Variants in PRIM2 observed in about 807,000 individuals in gnomAD.
The protein encoded by PRIM2 is DNA primase large subunit.
In PRIM2, 39 loss-of-function variants were observed where a neutral mutation model predicts 67.3. That is an observed-to-expected ratio of 0.58 (90% confidence interval 0.45 to 0.76). The LOEUF is 0.76. PRIM2 is among the 30% of genes least tolerant of loss of function. PRIM2 has a pLI of 0.00. For missense variants in PRIM2, 398 were observed against 598.7 expected (o/e 0.66, Z 3.50); for synonymous variants, 143 against 198.7 (o/e 0.72, Z 2.36).
chr6:57,576,790 G>T, intron 10 of PRIM2, among the ~76,000 whole-genome samples: 1 of 128,412 alleles, frequency 7.8e-6, no homozygotes. Flanking sequence ...GTTGCAAATT[G>T]CAAGGAAAAA....
intron 7 of PRIM2, chr6:57,497,743 G>T (rs1231441789): frequency 6.6e-6 from 1 of 152,170 alleles, no homozygotes; most frequent in African/African-American, 2.4e-5. Context: ...TTGTTGTGAT[G>T]AAACCACCTC....
chr6:57,324,237 G>T lies in PRIM2; in HGVS notation c.295G>T (p.Asp99Tyr), dbSNP rs1234036703. Residue 99 changes from aspartate to tyrosine, a missense_variant, in exon 4 of 14, where the codon GAT becomes TAT. Physicochemically the swap from Asp to Tyr is radical, Grantham distance 160. This residue lies in a region of PRIM2 where 229 missense variants were observed against 383.6 expected (regional missense o/e 0.60). Transcript: ENST00000615550. ...LEDEYEPRRRDHISHFILRLA... is the reference protein window; with the variant it reads ...LEDEYEPRRRYHISHFILRLA... The stretch of plus-strand genomic sequence containing the variant: ...AGATGAATATGAACCACGAAGAAGA[G>T]ATCATATTTCTCATTTTATTTTGCG... 1.2e-6 allele frequency: 2 copies of T among 1,605,736 alleles called. No homozygotes were observed. Among genetic ancestry groups the T allele is most frequent in the Non-Finnish European group, 1.7e-6 (2 of 1,174,650 alleles).
chr6:57,616,848 A>G (rs1776765753), intron 12 of PRIM2, among the ~76,000 whole-genome samples: 2 of 152,162 alleles, frequency 1.3e-5, no homozygotes, highest in Admixed American at 6.5e-5. Flanking sequence ...TTCTATCTCT[A>G]TGGATTTACC....
chr6:57,459,161 AT>A (rs1245478653), intron 7 of PRIM2, among the ~76,000 whole-genome samples: 9 of 152,156 alleles, frequency 5.9e-5, no homozygotes, highest in African/African-American at 2.2e-4. Context: ...GGGTTTCTTT[AT>A]CTGTAAAATG....
chr6:57,278,171 A>G, the PRIM2 span, among the ~76,000 whole-genome samples: 2 of 151,832 alleles, frequency 1.3e-5, no homozygotes. Context: ...TACCAAAAAT[A>G]CAAAAATTAG....
intron 5 of PRIM2, among the ~76,000 whole-genome samples, chr6:57,338,545 T>C (rs1768353654): frequency 6.6e-6 from 1 of 150,692 alleles, no homozygotes; most frequent in Non-Finnish European, 1.5e-5. Context: ...GATGCAAGGC[T>C]CGTTCAATAT....
chr6:57,634,859 A>T (rs1244891753), intron 13 of PRIM2, among the ~76,000 whole-genome samples: 1 of 152,144 alleles, frequency 6.6e-6, no homozygotes, highest in Non-Finnish European at 1.5e-5. Context: ...CACATATAAA[A>T]ATAGTCTAAC....
At chr6:57,420,716 C>T (rs116598244) in intron 7 of PRIM2, among the ~76,000 whole-genome samples, 1,951 of 152,166 alleles carry the variant, frequency 0.013, 41 homozygotes, top group African/African-American at 0.043. Context: ...TCCATGGGGA[C>T]TTGGTATCAG....
At chr6:57,422,092 CT>C (rs201504114) in intron 7 of PRIM2, among the ~76,000 whole-genome samples, 9 of 147,202 alleles carry the variant, frequency 6.1e-5, no homozygotes, top group South Asian at 2.2e-4. Flanking sequence ...TTATAGAACT[CT>C]TTTTTTTGCA....
At chr6:57,453,052 C>G (rs1324580147) in intron 7 of PRIM2, among the ~76,000 whole-genome samples, 205 of 152,216 alleles carry the variant, frequency 1.3e-3, no homozygotes, top group Non-Finnish European at 2.5e-3. Context: ...AATCCTTTCC[C>G]CATTTCTTGT....
chr6:57,257,993 C>T, the PRIM2 span, among the ~76,000 whole-genome samples: 1 of 152,166 alleles, frequency 6.6e-6, no homozygotes, highest in African/African-American at 2.4e-5. Flanking sequence ...CTCCAGTATG[C>T]TGCACTTGGT....
At chr6:57,599,677 G>A (rs1323251749) in intron 10 of PRIM2, among the ~76,000 whole-genome samples, 3 of 152,114 alleles carry the variant, frequency 2.0e-5, no homozygotes, top group African/African-American at 7.2e-5. Context: ...CTGTCTATTG[G>A]ATCTTTGCAC....
At chr6:57,444,113 A>G (rs72873580) in intron 7 of PRIM2, among the ~76,000 whole-genome samples, 2 of 152,156 alleles carry the variant, frequency 1.3e-5, no homozygotes, top group Non-Finnish European at 2.9e-5. Flanking sequence ...TATTTGGCCA[A>G]TTTTTATTGG....
intron 7 of PRIM2, among the ~76,000 whole-genome samples, chr6:57,494,564 A>G (rs1161629032): frequency 6.6e-6 from 1 of 152,210 alleles, no homozygotes; most frequent in Non-Finnish European, 1.5e-5. Flanking sequence ...GTATTAATAC[A>G]TTAAATTCAG....
At chr6:57,326,238 CAA>C in intron 5 of PRIM2, 193 bp downstream of exon 5, 1 of 497,756 alleles carries the variant, frequency 2.0e-6, no homozygotes. Flanking sequence ...TCCTTAATAA[CAA>C]AGTCTCACAC....
chr6:57,499,572 C>CTA (rs1487388089), intron 7 of PRIM2, among the ~76,000 whole-genome samples: 2 of 152,186 alleles, frequency 1.3e-5, no homozygotes, highest in Non-Finnish European at 2.9e-5. Flanking sequence ...TACCATTAGA[C>CTA]TATACCCTTT....
chr6:57,462,447 A>G (rs1773039502), intron 7 of PRIM2, among the ~76,000 whole-genome samples: 1 of 152,222 alleles, frequency 6.6e-6, no homozygotes, highest in African/African-American at 2.4e-5. Context: ...AGTCCCATGG[A>G]CATTAGATAA....
intron 13 of PRIM2, among the ~76,000 whole-genome samples, chr6:57,634,597 G>A (rs1777090106): frequency 6.6e-6 from 1 of 152,268 alleles, no homozygotes; most frequent in South Asian, 2.1e-4. Context: ...TTTTAATTAA[G>A]AGGCCTCAGA....
chr6:57,534,635 T>C (rs1294479334), intron 9 of PRIM2, among the ~76,000 whole-genome samples: 4 of 152,306 alleles, frequency 2.6e-5, no homozygotes, highest in African/African-American at 9.6e-5. Context: ...ACATCAGTCT[T>C]CTGGTCAGAA....
Sources: gnomAD v4.1 joint callset for allele counts (sites outside exome capture counted in the v4.1 genomes callset) on GRCh38, gnomAD v4.1.1 for gene constraint, gnomAD v4.1.1 regional missense constraint, MANE v1.5 for transcripts, NCBI Gene and HGNC (gene_info 2026-07-23, HGNC 2026-07-21) for gene names.